IL16: variants seen among roughly 807,000 people sequenced by gnomAD.
The protein encoded by IL16 is pro-interleukin-16.
A neutral mutation model predicts 110.1 loss-of-function variants in IL16; 67 were observed. The observed-to-expected ratio is 0.61, with a 90% CI of 0.50 to 0.75. IL16 has a LOEUF of 0.75. Among genes scored for constraint, IL16 ranks in the 30% least tolerant of loss-of-function variants. The probability of loss-of-function intolerance (pLI) is 0.00; values close to 1 mark genes in which losing one functional copy is unlikely to be tolerated. For missense variants in IL16, 1,545 were observed against 1,655.0 expected (o/e 0.93, Z 1.15); for synonymous variants, 689 against 662.9 (o/e 1.04, Z -0.61).
intron 3 of IL16, among the ~76,000 whole-genome samples, chr15:81,261,671 C>T (rs1013051196): frequency 1.3e-5 from 2 of 152,248 alleles, no homozygotes; most frequent in Non-Finnish European, 1.5e-5. Flanking sequence ...CCGGCCCACC[C>T]CTCTGTGTAT....
chr15:81,191,571 G>A (rs1011238017), intron 1 of IL16, among the ~76,000 whole-genome samples: 1 of 152,146 alleles, frequency 6.6e-6, no homozygotes, highest in Non-Finnish European at 1.5e-5. Context: ...GGGGCGGATG[G>A]GTGGTATGTA....
chr15:81,196,454 G>A (rs561789539), upstream of IL16, among the ~76,000 whole-genome samples: 4 of 152,024 alleles, frequency 2.6e-5, no homozygotes, highest in Non-Finnish European at 5.9e-5. Context: ...TGGTTTGCCC[G>A]GGCTTGTCTT....
Position 81,313,580 on chromosome 15 carries a change from G to T in IL16, c.*4782G>T. 1 of 477,584 alleles carries T rather than the reference G, an allele frequency of 2.1e-6. No individual in the cohort carries two copies. Among genetic ancestry groups the T allele is most frequent in the Non-Finnish European group, 3.4e-6 (1 of 292,270 alleles). The allele number at this position is 477,584 out of a possible 1,614,324, so 29.6% of individuals were successfully genotyped here. Reference sequence around the variant, plus strand: ...CTCTGGACCTGCTGATTTTCAGGATGGAAACCCATCCTGTCGGGGATGCAT... The same window carrying T: ...CTCTGGACCTGCTGATTTTCAGGATTGAAACCCATCCTGTCGGGGATGCAT... On this transcript the variant is annotated 3_prime_UTR_variant, in exon 19 of 19. Transcript: ENST00000683961.
intron 1 of IL16, among the ~76,000 whole-genome samples, chr15:81,216,615 C>T (rs908679773): frequency 1.3e-5 from 2 of 151,990 alleles, no homozygotes; most frequent in Non-Finnish European, 2.9e-5. Flanking sequence ...AATGCTCAGC[C>T]ACCATCCAGC....
intron 14 of IL16, 36 bp from the exon 15 acceptor site, chr15:81,301,305 ATTG>A (rs755747235): frequency 6.5e-7 from 1 of 1,545,276 alleles, no homozygotes; most frequent in Non-Finnish European, 8.8e-7. Flanking sequence ...TCTTTTTAAT[ATTG>A]TTGTTCATAC....
chr15:81,251,295 T>C (rs1486782942), intron 2 of IL16, among the ~76,000 whole-genome samples: 2 of 152,286 alleles, frequency 1.3e-5, no homozygotes, highest in East Asian at 1.9e-4. Flanking sequence ...GCCTCCCAAG[T>C]AGCTGGTACT....
chr15:81,292,606 G>A lies in IL16; in HGVS notation c.1471G>A (p.Glu491Lys), dbSNP rs1246284129. The A allele has an allele frequency of 1.2e-6, 2 of 1,606,926 alleles. No homozygotes were observed. The highest frequency in any genetic ancestry group is 4.5e-5 in the East Asian group (2 of 44,644). Residue 491 changes from glutamate (E) to lysine (K), a missense_variant, in exon 12 of 19, where the codon GAA (glutamate) becomes AAA (lysine). This residue lies in a region of IL16 where 1,185 missense variants were observed against 1,238.8 expected (regional missense o/e 0.96). Transcript: ENST00000683961. ...SWHGRPTLEK[E>K]REKNSAPPHR... ...GCACGGGCGGCCCACCTTGGAGAAG[G>A]AACGAGAGAAGAACTCAGCACCCCC...
intron 1 of IL16, among the ~76,000 whole-genome samples, chr15:81,222,543 C>A (rs1405061372): frequency 1.3e-5 from 2 of 151,972 alleles, no homozygotes; most frequent in Non-Finnish European, 2.9e-5. Context: ...CCTCTCTCCC[C>A]ACCTCTATGA....
chr15:81,303,757 T>C lies in IL16; in HGVS notation c.3420+107T>C, dbSNP rs1386593674. 10 of 759,018 alleles carry C rather than the reference T, an allele frequency of 1.3e-5. No individual in the cohort carries two copies. The South Asian group carries it at 1.6e-4, about 12-fold the overall frequency. 47.0% of individuals were successfully genotyped at this position (759,018 alleles called of 1,614,324 possible). ...CTGTGCTGGGGAAATGAAGAATGCA[T>C]GACACTAGGCCACTGGGCAGGTCCT... On this transcript the variant is annotated intron_variant, in intron 16 of 18. Coordinates refer to ENST00000683961, the MANE Select transcript of IL16 (RefSeq NM_172217.5). This position sits in a 1 kb window ranked among gnomAD's most constrained non-coding sequence, Gnocchi z 4.1.
upstream of IL16, among the ~76,000 whole-genome samples, chr15:81,196,657 C>A (rs115602165): frequency 3.7e-3 from 568 of 152,326 alleles, 4 homozygotes; most frequent in African/African-American, 0.013. Context: ...CCAAAGAAGG[C>A]AGGGGCAACT....
chr15:81,290,147 G>C, intron 10 of IL16: 2 of 433,406 alleles, frequency 4.6e-6, no homozygotes, highest in South Asian at 6.2e-5. Context: ...CTAGCTCATA[G>C]AGATAACCTA....
intron 1 of IL16, among the ~76,000 whole-genome samples, chr15:81,190,759 A>C (rs1198427855): frequency 1.3e-5 from 2 of 152,318 alleles, no homozygotes; most frequent in Non-Finnish European, 2.9e-5. Flanking sequence ...TTATGTCCAG[A>C]AGCCATGTCT....
intron 2 of IL16, among the ~76,000 whole-genome samples, chr15:81,226,260 G>T (rs567273054): frequency 6.6e-6 from 1 of 152,262 alleles, no homozygotes; most frequent in East Asian, 1.9e-4. Flanking sequence ...AATAGGGGAG[G>T]GGGAAATAAG....
intron 1 of IL16, among the ~76,000 whole-genome samples, chr15:81,203,282 T>A (rs2141961472): frequency 6.6e-6 from 1 of 152,246 alleles, no homozygotes; most frequent in South Asian, 2.1e-4. Context: ...GCCTGTTCAC[T>A]CTGATGGTAG....
At chr15:81,262,932 A>T (rs368271672) in intron 3 of IL16, among the ~76,000 whole-genome samples, 11 of 152,222 alleles carry the variant, frequency 7.2e-5, no homozygotes, top group African/African-American at 2.7e-4. Flanking sequence ...ACTCCATTTT[A>T]AAAAAAGAAA....
rs565005868 is a variant in IL16 at position 81,308,714 on chromosome 15, G to A, written c.3915G>A (p.Lys1305=). 6.2e-7 allele frequency: 1 copy of A among 1,614,190 alleles called. No homozygotes were observed. Among genetic ancestry groups the A allele is most frequent in the South Asian group, 1.1e-5 (1 of 91,088 alleles). ...GGTTTGAAGCCTGGAACATCATCAAGGCACTGCCTGATGGACCTGTCACGA... is the reference window on the plus strand; with the variant it reads ...GGTTTGAAGCCTGGAACATCATCAAAGCACTGCCTGATGGACCTGTCACGA... ...LTRFEAWNII[K]ALPDGPVTIV... Residue 1305 remains lysine, a synonymous_variant, in exon 19 of 19, where the codon AAG becomes AAA. Transcript: ENST00000683961.
intron 6 of IL16, among the ~76,000 whole-genome samples, chr15:81,274,319 T>A: frequency 6.6e-6 from 1 of 152,362 alleles, no homozygotes; most frequent in Middle Eastern, 3.4e-3. Flanking sequence ...TTGATTATTT[T>A]ATGATATGTG....
At chr15:81,256,229 A>G (rs780055006) in intron 2 of IL16, among the ~76,000 whole-genome samples, 6 of 151,662 alleles carry the variant, frequency 4.0e-5, no homozygotes, top group African/African-American at 7.3e-5. Context: ...CCCTTTTTCT[A>G]TGTATATTTT....
intron 6 of IL16, 149 bp downstream of exon 6, chr15:81,273,353 G>C (rs1898734916): frequency 1.8e-6 from 1 of 564,472 alleles, no homozygotes; most frequent in Non-Finnish European, 3.1e-6. Context: ...GCAAGCAATG[G>C]GGACACAGCT....
Sources: allele counts gnomAD v4.1 joint callset (sites outside exome capture counted in the v4.1 genomes callset), GRCh38; gene constraint gnomAD v4.1.1; regional missense constraint gnomAD v4.1.1; non-coding constraint Gnocchi (gnomAD v3.1); transcripts MANE v1.5; gene names NCBI Gene and HGNC (gene_info 2026-07-23, HGNC 2026-07-21).